Variants in MYO6 observed in about 807,000 individuals in gnomAD.
MYO6 encodes myosin VI, also known as unconventional myosin-VI.
Under a neutral mutation model 178.7 loss-of-function variants are expected in MYO6, and 74 were observed. The ratio of observed to expected loss-of-function variants is 0.41; its 90% CI spans 0.34 to 0.50. The LOEUF (loss-of-function observed/expected upper bound fraction) is 0.50, where lower values mean the gene tolerates loss of function less well. MYO6 is among the 20% of genes least tolerant of loss of function. MYO6 has a pLI of 0.09. For missense variants in MYO6, 1,330 were observed against 1,547.4 expected (o/e 0.86, Z 2.36); for synonymous variants, 477 against 504.6 (o/e 0.95, Z 0.73).
chr6:75,810,780 G>T (rs550171611), intron 1 of MYO6, among the ~76,000 whole-genome samples: 1 of 152,208 alleles, frequency 6.6e-6, no homozygotes, highest in Non-Finnish European at 1.5e-5. Flanking sequence ...CGGAGTTAAG[G>T]CCAAGGTTGA....
chr6:75,765,321 T>G, intron 1 of MYO6, among the ~76,000 whole-genome samples: 1 of 150,966 alleles, frequency 6.6e-6, no homozygotes, highest in East Asian at 2.0e-4. Flanking sequence ...GGACTACAGG[T>G]GCACACTACC....
chr6:75,755,643 C>A (rs746012967), intron 1 of MYO6, among the ~76,000 whole-genome samples: 1 of 152,120 alleles, frequency 6.6e-6, no homozygotes, highest in Admixed American at 6.5e-5. Flanking sequence ...TTACTTTGTG[C>A]ATTGGTAGTG....
intron 22 of MYO6, among the ~76,000 whole-genome samples, chr6:75,880,916 T>A (rs1265357765): frequency 6.6e-6 from 1 of 152,188 alleles, no homozygotes; most frequent in African/African-American, 2.4e-5. Flanking sequence ...TTTATTTGTG[T>A]TGTCTGTCAC....
At chr6:75,881,839 C>T in intron 23 of MYO6, 21 bp downstream of exon 23, 2 of 1,612,244 alleles carry the variant, frequency 1.2e-6, no homozygotes, top group Non-Finnish European at 1.7e-6. Flanking sequence ...TCCTTTACAC[C>T]TATAGGATCT....
intron 1 of MYO6, among the ~76,000 whole-genome samples, chr6:75,752,838 A>G (rs1055853518): frequency 2.0e-5 from 3 of 152,196 alleles, no homozygotes; most frequent in Non-Finnish European, 4.4e-5. Context: ...GTATGTGTTT[A>G]ACTTTGATAG....
chr6:75,857,076 T>G, intron 12 of MYO6, 21 bp from the exon 13 acceptor site: 1 of 1,613,268 alleles, frequency 6.2e-7, no homozygotes, highest in Non-Finnish European at 8.5e-7. Context: ...GAATTTTTAC[T>G]AGCATAGTTT....
chr6:75,861,219 A>C (rs1776190891), intron 15 of MYO6, 124 bp downstream of exon 15: 1 of 814,860 alleles, frequency 1.2e-6, no homozygotes, highest in South Asian at 1.4e-5. Context: ...ATTTGAGAGA[A>C]GGTTACTTCT....
intron 30 of MYO6, among the ~76,000 whole-genome samples, chr6:75,902,554 G>T (rs925957661): frequency 6.6e-6 from 1 of 152,172 alleles, no homozygotes; most frequent in Non-Finnish European, 1.5e-5. Flanking sequence ...TTGTATTTCT[G>T]TGGGATCGGT....
chr6:75,876,462 A>ATTCATGTCTG lies in MYO6; in HGVS notation c.2077+3165_2077+3174dup, dbSNP rs1380920113. Among the ~76,000 whole-genome samples the ATTCATGTCTG allele has an allele frequency of 2.6e-5, 4 of 152,296 alleles. No homozygotes were observed. In the East Asian group the frequency reaches 7.7e-4, roughly 29 times the overall value. ...CTAACAAATACTGGAAAATTAAGTA[A>ATTCATGTCTG]TTCATGTCTGTTGTATTCTTCCATA... is the stretch of plus-strand genomic sequence containing the variant. On this transcript the variant is annotated intron_variant, in intron 20 of 34. Transcript: ENST00000369977.
intron 25 of MYO6, among the ~76,000 whole-genome samples, chr6:75,888,798 T>G (rs1242115982): frequency 6.6e-6 from 1 of 152,204 alleles, no homozygotes; most frequent in Admixed American, 6.5e-5. Flanking sequence ...ACCATTGTTA[T>G]ATACTTGTCC....
intron 9 of MYO6, among the ~76,000 whole-genome samples, chr6:75,842,186 GCACACACACACACATGCA>G (rs971232502): frequency 9.4e-5 from 14 of 148,600 alleles, no homozygotes; most frequent in African/African-American, 3.5e-4. Context: ...GGTGGGAAAC[GCACACACACACACATGCA>G]CACACACACA....
Position 75,914,120 on chromosome 6 carries a change from G to T in MYO6, c.3497G>T (p.Arg1166Leu), listed in dbSNP as rs769185775. ...PARQREIEMN[R>L]QQRFFRIPFI... is the part of the protein sequence containing the mutation. ...AGGCAGCGGGAGATTGAAATGAACC[G>T]ACAGCAACGCTTCTTCCGCATCCCA... The change falls in exon 34 of 35, where the codon CGA becomes CTA. Residue 1166 changes from arginine to leucine, a missense_variant. Physicochemically the swap from Arg to Leu is moderately radical, Grantham distance 102 (BLOSUM62 -2). Transcript: ENST00000369977. 15 of 1,614,098 alleles carry T rather than the reference G, an allele frequency of 9.3e-6. No homozygotes were observed. The East Asian group carries it at 3.3e-4, about 36-fold the overall frequency.
At chr6:75,786,695 G>C (rs964406461) in intron 1 of MYO6, among the ~76,000 whole-genome samples, 1 of 152,142 alleles carries the variant, frequency 6.6e-6, no homozygotes, top group African/African-American at 2.4e-5. Flanking sequence ...CCTTTACCCA[G>C]ATTTCTCAGA....
chr6:75,818,490 C>T (rs1286206134), intron 2 of MYO6, among the ~76,000 whole-genome samples: 1 of 152,110 alleles, frequency 6.6e-6, no homozygotes, highest in African/African-American at 2.4e-5. Context: ...GATAGATGTC[C>T]ACAATTTTTA....
At chr6:75,836,479 G>T (rs553135868) in intron 7 of MYO6, among the ~76,000 whole-genome samples, 3 of 152,058 alleles carry the variant, frequency 2.0e-5, no homozygotes, top group Admixed American at 6.5e-5. Flanking sequence ...CCTGCATGAT[G>T]CCCTCCTGCA....
At chr6:75,854,418 A>G (rs1029075218) in intron 11 of MYO6, among the ~76,000 whole-genome samples, 1 of 151,532 alleles carries the variant, frequency 6.6e-6, no homozygotes, top group African/African-American at 2.4e-5. Context: ...ACTGATCTCT[A>G]GCACAGAAAG....
intron 1 of MYO6, among the ~76,000 whole-genome samples, chr6:75,789,024 T>G (rs1461984423): frequency 6.6e-6 from 1 of 152,242 alleles, no homozygotes; most frequent in African/African-American, 2.4e-5. Context: ...TTATTCAGTA[T>G]GCTGCAAGTA....
intron 1 of MYO6, among the ~76,000 whole-genome samples, chr6:75,804,365 T>C (rs754843390): frequency 2.3e-4 from 35 of 152,290 alleles, no homozygotes; most frequent in Non-Finnish European, 2.1e-4. Context: ...GATACACTGA[T>C]AGAGGTGAGA....
At chr6:75,784,720 C>T (rs182975868) in intron 1 of MYO6, among the ~76,000 whole-genome samples, 2,351 of 138,440 alleles carry the variant, frequency 0.017, 57 homozygotes, top group African/African-American at 0.062. Flanking sequence ...GAGCTTGCAG[C>T]GAGCCGAGGT....
Sources: gnomAD v4.1 joint callset for allele counts (sites outside exome capture counted in the v4.1 genomes callset) on GRCh38, gnomAD v4.1.1 for gene constraint, MANE v1.5 for transcripts, NCBI Gene and HGNC (gene_info 2026-07-23, HGNC 2026-07-21) for gene names.